The following SRFBP1 variants were observed in gnomAD, a reference collection of about 807,000 sequenced individuals.
The protein encoded by SRFBP1 is serum response factor binding protein 1.
In SRFBP1, 47 loss-of-function variants were observed where a neutral mutation model predicts 45.5. The ratio of observed to expected loss-of-function variants is 1.03; its 90% CI spans 0.82 to 1.32. SRFBP1 has a LOEUF of 1.32. SRFBP1 is among the 40% of genes most tolerant of loss of function. The pLI, the probability that SRFBP1 is intolerant of heterozygous loss-of-function variation, is 0.00. For missense variants in SRFBP1, 621 were observed against 484.6 expected, an observed-to-expected ratio of 1.28 and a Z score of -2.64; for synonymous variants, 203 against 166.3, an observed-to-expected ratio of 1.22 and a Z score of -1.70.
At position 122,020,482 on chromosome 5, in the gene SRFBP1, C is replaced by A. The variant is rs74336506; in HGVS notation, c.747C>A (p.Gly249=). 2 of 1,613,922 alleles carry A rather than the reference C, an allele frequency of 1.2e-6. No homozygotes were observed. Among genetic ancestry groups the A allele is most frequent in the Non-Finnish European group, 1.7e-6 (2 of 1,179,956 alleles). Residue 249 remains glycine (G), a synonymous_variant, in exon 6 of 8, where the codon GGC becomes GGA. Transcript: ENST00000339397. Reference sequence around the variant, plus strand: ...GCTCACTCTCTGGTAACAGTGATGGCGGAGAAGAATTTTGTGAAGAGGAGA... The same window carrying A: ...GCTCACTCTCTGGTAACAGTGATGGAGGAGAAGAATTTTGTGAAGAGGAGA... ...SDSSLSGNSD[G]GEEFCEEEKE...
At chr5:121,971,284 G>A (rs1291301574) in intron 1 of SRFBP1, among the ~76,000 whole-genome samples, 1 of 151,986 alleles carries the variant, frequency 6.6e-6, no homozygotes, top group Admixed American at 6.6e-5. Flanking sequence ...TTGCAAAAAG[G>A]TCAAGATAGG....
intron 3 of SRFBP1, among the ~76,000 whole-genome samples, chr5:121,980,411 A>G (rs1328860583): frequency 1.3e-5 from 2 of 152,196 alleles, no homozygotes; most frequent in African/African-American, 4.8e-5. Flanking sequence ...GTGAAATGAT[A>G]CTGTGAGACT....
Position 122,020,587 on chromosome 5 carries a change from C to T in SRFBP1, c.852C>T (p.Asp284=). Reference sequence around the variant, plus strand: ...CTGAAGATAGTGATAGCGGTGACGACTTCTTCATTGGGAAAGTCAGACGGA... The same window carrying T: ...CTGAAGATAGTGATAGCGGTGACGATTTCTTCATTGGGAAAGTCAGACGGA... The part of the protein sequence containing the change: ...SMSEDSDSGD[D]FFIGKVRRTR... Residue 284 remains aspartate (D), a synonymous_variant, in exon 6 of 8, where the codon GAC becomes GAT. Coordinates refer to ENST00000339397, the MANE Select transcript of SRFBP1 (RefSeq NM_152546.3). 6.2e-7 allele frequency: 1 copy of T among 1,613,880 alleles called. No individual in the cohort carries two copies. Among genetic ancestry groups the T allele is most frequent in the South Asian group, 1.1e-5 (1 of 90,994 alleles).
chr5:121,978,635 T>C (rs1473610683), intron 3 of SRFBP1, among the ~76,000 whole-genome samples: 1 of 151,990 alleles, frequency 6.6e-6, no homozygotes, highest in Non-Finnish European at 1.5e-5. Flanking sequence ...GGGACTACAG[T>C]TGCCTGCCAT....
intron 5 of SRFBP1, among the ~76,000 whole-genome samples, chr5:122,019,707 A>AT (rs1424986583): frequency 2.6e-5 from 4 of 151,306 alleles, no homozygotes; most frequent in African/African-American, 9.7e-5. Flanking sequence ...ATAAAATGAA[A>AT]TTTTTTTGTC....
downstream of SRFBP1, chr5:122,077,762 G>T (rs1561421528): frequency 6.4e-7 from 1 of 1,552,976 alleles, no homozygotes; most frequent in Non-Finnish European, 8.7e-7. The surrounding 1 kb of genome is among the most constrained non-coding windows in gnomAD (Gnocchi z 4.9). Context: ...ACCAGGGACG[G>T]CGGCGCCCGG....
At chr5:122,037,234 G>A (rs1022881405) in intron 2 of SRFBP1, among the ~76,000 whole-genome samples, 6 of 152,166 alleles carry the variant, frequency 3.9e-5, no homozygotes, top group African/African-American at 1.4e-4. Flanking sequence ...CCTCAGGGTG[G>A]TCTTAGGGAC....
intron 7 of SRFBP1, among the ~76,000 whole-genome samples, chr5:122,024,767 C>G (rs1257617682): frequency 3.9e-5 from 6 of 152,174 alleles, no homozygotes; most frequent in Admixed American, 6.5e-5. Context: ...TAAGACATAC[C>G]TACATTTTCA....
intron 2 of SRFBP1, among the ~76,000 whole-genome samples, chr5:122,049,658 G>C (rs890110653): frequency 1.3e-5 from 2 of 152,114 alleles, no homozygotes; most frequent in Non-Finnish European, 2.9e-5. Flanking sequence ...TAAAAGAACA[G>C]AAATTATAAC....
At chr5:121,977,149 A>G (rs1283684100) in intron 3 of SRFBP1, among the ~76,000 whole-genome samples, 1 of 152,072 alleles carries the variant, frequency 6.6e-6, no homozygotes, top group Non-Finnish European at 1.5e-5. Flanking sequence ...CAAGATTACC[A>G]CATCACTATC....
At chr5:122,032,811 G>T (rs113461808), downstream of SRFBP1, among the ~76,000 whole-genome samples, 4 of 152,216 alleles carry the variant, frequency 2.6e-5, no homozygotes, top group African/African-American at 9.6e-5. Context: ...TGGGAATGTT[G>T]TGTCAGAATG....
intron 2 of SRFBP1, among the ~76,000 whole-genome samples, chr5:122,047,265 G>A (rs376108274): frequency 0.047 from 7,170 of 152,126 alleles, 188 homozygotes; most frequent in African/African-American, 0.054. Flanking sequence ...TTCTACATAT[G>A]TCTAGCCAGT....
chr5:122,000,193 A>G (rs1246378075), intron 4 of SRFBP1, among the ~76,000 whole-genome samples: 3 of 152,110 alleles, frequency 2.0e-5, no homozygotes, highest in African/African-American at 7.2e-5. Context: ...TATGCAGTGT[A>G]ATGATCTAAG....
chr5:122,030,943 C>T (rs1753580371), downstream of SRFBP1, among the ~76,000 whole-genome samples: 1 of 152,036 alleles, frequency 6.6e-6, no homozygotes, highest in Non-Finnish European at 1.5e-5. Flanking sequence ...AGATTATGTA[C>T]ATGCATAAAG....
intron 7 of SRFBP1, among the ~76,000 whole-genome samples, chr5:122,026,682 A>G (rs1392263721): frequency 1.3e-5 from 2 of 152,142 alleles, no homozygotes; most frequent in Admixed American, 6.5e-5. Flanking sequence ...TATAAATAAG[A>G]CAGCACAGCA....
chr5:122,043,376 C>T (rs1198012889), intron 2 of SRFBP1, among the ~76,000 whole-genome samples: 22 of 151,990 alleles, frequency 1.4e-4, no homozygotes. Context: ...TTGCTACACC[C>T]GGCTAGGTTT....
At chr5:122,006,415 G>T (rs535181340) in intron 4 of SRFBP1, among the ~76,000 whole-genome samples, 1 of 152,124 alleles carries the variant, frequency 6.6e-6, no homozygotes, top group East Asian at 1.9e-4. Flanking sequence ...TGACCTCCCT[G>T]TACCTGGGTA....
intron 2 of SRFBP1, among the ~76,000 whole-genome samples, chr5:122,044,708 G>GT (rs1373894616): frequency 6.6e-6 from 1 of 151,882 alleles, no homozygotes; most frequent in Non-Finnish European, 1.5e-5. Flanking sequence ...GAGGTTTTTA[G>GT]TTTTTTTCTT....
chr5:122,038,948 C>T (rs2112727894), intron 2 of SRFBP1, among the ~76,000 whole-genome samples: 1 of 151,980 alleles, frequency 6.6e-6, no homozygotes, highest in South Asian at 2.1e-4. Flanking sequence ...TCATTTATTT[C>T]AAATGTGGCA....
Sources: allele counts gnomAD v4.1 joint callset (sites outside exome capture counted in the v4.1 genomes callset), GRCh38; gene constraint gnomAD v4.1.1; non-coding constraint Gnocchi (gnomAD v3.1); transcripts MANE v1.5; gene names NCBI Gene and HGNC (gene_info 2026-07-23, HGNC 2026-07-21).